The following PIK3C2G variants were observed in gnomAD, a reference collection of about 807,000 sequenced individuals.
The protein encoded by PIK3C2G is phosphatidylinositol-4-phosphate 3-kinase catalytic subunit type 2 gamma.
Under a neutral mutation model 181.1 loss-of-function variants are expected in PIK3C2G, and 168 were observed. The ratio of observed to expected loss-of-function variants is 0.93; its 90% confidence interval spans 0.82 to 1.05. The LOEUF (loss-of-function observed/expected upper bound fraction) is 1.05, where lower values mean the gene tolerates loss of function less well. PIK3C2G is among the 50% of genes least tolerant of loss of function. PIK3C2G has a pLI of 0.00. For missense variants in PIK3C2G, 1,869 were observed against 1,732.8 expected (o/e 1.08, Z -1.40); for synonymous variants, 573 against 592.2 (o/e 0.97, Z 0.47).
intron 31 of PIK3C2G, among the ~76,000 whole-genome samples, chr12:18,610,770 A>G (rs1210492232): frequency 2.0e-5 from 3 of 147,230 alleles, no homozygotes; most frequent in Non-Finnish European, 4.5e-5. Flanking sequence ...TTAAGCAACT[A>G]TATAAACATA....
downstream of PIK3C2G, among the ~76,000 whole-genome samples, chr12:18,650,664 A>ATGTGTG (rs1159499235): frequency 1.3e-3 from 47 of 35,600 alleles, no homozygotes; most frequent in South Asian, 1.7e-3. Flanking sequence ...TGGAATATAA[A>ATGTGTG]TGTGTGTGTG....
chr12:18,296,277 A>G (rs1949936984), intron 5 of PIK3C2G, among the ~76,000 whole-genome samples: 1 of 152,160 alleles, frequency 6.6e-6, no homozygotes, highest in Non-Finnish European at 1.5e-5. Context: ...TCTGATATTA[A>G]CACCGTGTTC....
intron 5 of PIK3C2G, among the ~76,000 whole-genome samples, chr12:18,298,938 T>A (rs1184182664): frequency 6.6e-6 from 1 of 151,986 alleles, no homozygotes; most frequent in Non-Finnish European, 1.5e-5. Context: ...ATCATTTTGC[T>A]TTGGTTACGA....
At chr12:18,303,100 C>CTCTTTTTCTT (rs1555153498) in intron 5 of PIK3C2G, among the ~76,000 whole-genome samples, 2 of 75,068 alleles carry the variant, frequency 2.7e-5, no homozygotes, top group African/African-American at 1.1e-4. Flanking sequence ...TCTTTTCTTT[C>CTCTTTTTCTT]TCTTTCTTTC....
At chr12:18,384,097 C>T (rs1943020145) in intron 14 of PIK3C2G, among the ~76,000 whole-genome samples, 1 of 151,484 alleles carries the variant, frequency 6.6e-6, no homozygotes, top group Non-Finnish European at 1.5e-5. Context: ...GCTGGGATTA[C>T]AGGCGTGAGC....
chr12:18,415,050 C>T (rs1243689106), intron 16 of PIK3C2G, among the ~76,000 whole-genome samples: 1 of 152,168 alleles, frequency 6.6e-6, no homozygotes, highest in Non-Finnish European at 1.5e-5. Context: ...TACAAATACA[C>T]AATTTTCCTT....
chr12:18,637,045 T>G (rs1427112914), intron 31 of PIK3C2G, among the ~76,000 whole-genome samples: 1 of 152,178 alleles, frequency 6.6e-6, no homozygotes, highest in South Asian at 2.1e-4. Context: ...TCAAATTCTA[T>G]TGATCACCTG....
chr12:18,422,789 C>A (rs1945563100), intron 17 of PIK3C2G, among the ~76,000 whole-genome samples: 1 of 152,068 alleles, frequency 6.6e-6, no homozygotes, highest in South Asian at 2.1e-4. Context: ...AAACATACCT[C>A]CTGCTCATAT....
At chr12:18,431,393 G>T (rs1946151300) in intron 18 of PIK3C2G, among the ~76,000 whole-genome samples, 1 of 152,200 alleles carries the variant, frequency 6.6e-6, no homozygotes, top group Admixed American at 6.5e-5. Context: ...CAGGGACAGA[G>T]TAGAGAGAGG....
chr12:18,515,355 C>A (rs370997200), intron 24 of PIK3C2G, among the ~76,000 whole-genome samples: 1 of 151,810 alleles, frequency 6.6e-6, no homozygotes, highest in African/African-American at 2.4e-5. Context: ...AGGCTCTGGG[C>A]TTTTCTTTGA....
chr12:18,633,414 T>C (rs1364456398), intron 31 of PIK3C2G, among the ~76,000 whole-genome samples: 1 of 152,212 alleles, frequency 6.6e-6, no homozygotes, highest in Non-Finnish European at 1.5e-5. Flanking sequence ...ATTGTCGTAG[T>C]TGGTATTTAT....
chr12:18,660,228 C>T, the PIK3C2G span, among the ~76,000 whole-genome samples: 15 of 152,232 alleles, frequency 9.9e-5, no homozygotes, highest in East Asian at 2.7e-3. Context: ...CATTCTCCTG[C>T]GTATTTCTGG....
intron 25 of PIK3C2G, among the ~76,000 whole-genome samples, chr12:18,544,947 C>G (rs1252163728): frequency 6.6e-6 from 1 of 151,832 alleles, no homozygotes; most frequent in Non-Finnish European, 1.5e-5. Flanking sequence ...CATTCCTAAC[C>G]AGTCTCCTAA....
chr12:18,609,236 A>G (rs115939071), intron 30 of PIK3C2G, among the ~76,000 whole-genome samples: 2,407 of 152,176 alleles, frequency 0.016, 67 homozygotes, highest in African/African-American at 0.055. Flanking sequence ...GTGAATGCTA[A>G]GGAGAAAATT....
rs755416032 is a variant in PIK3C2G at position 18,282,034 on chromosome 12, G to A, written c.-48G>A. 8.7e-6 allele frequency: 9 copies of A among 1,038,042 alleles called. No homozygotes were observed. In the South Asian group the frequency reaches 1.4e-4, roughly 17 times the overall value. 64.3% of individuals were successfully genotyped at this position (1,038,042 alleles called of 1,614,324 possible). ...TTTCTATCTTCTTTTGTATTATCAA[G>A]GAGATATTTGGAGCAGAGTCAACCC... On this transcript the variant is annotated 5_prime_UTR_variant, in exon 2 of 33. Coordinates refer to ENST00000538779, the MANE Select transcript of PIK3C2G (RefSeq NM_001288772.2).
At position 18,546,431 on chromosome 12, in the gene PIK3C2G, A is replaced by G. The variant is rs201671416; in HGVS notation, c.3589A>G (p.Lys1197Glu). The change falls in exon 26 of 33, where the codon AAG becomes GAG. Residue 1197 changes from lysine (K) to glutamate (E), a missense_variant and splice_region_variant. By Grantham distance (56) the Lys-to-Glu change is moderately conservative. Coordinates refer to ENST00000538779, the MANE Select transcript of PIK3C2G (RefSeq NM_001288772.2). Reference protein sequence around the residue: ...TDLEATSHFTKKIKESLECFP... With the variant: ...TDLEATSHFTEKIKESLECFP... Reference sequence around the variant, plus strand: ...CCTGGAAGCAACAAGTCATTTTACCAAGTAAGATCACCTATGAATGTGTGA... The same window carrying G: ...CCTGGAAGCAACAAGTCATTTTACCGAGTAAGATCACCTATGAATGTGTGA... 8.8e-5 allele frequency: 133 copies of G among 1,507,812 alleles called. No individual in the cohort carries two copies. Among genetic ancestry groups the G allele is most frequent in the Admixed American group, 4.1e-4 (23 of 56,692 alleles). The allele number at this position is 1,507,812 out of a possible 1,614,324, so 93.4% of individuals were successfully genotyped here.
intron 18 of PIK3C2G, among the ~76,000 whole-genome samples, chr12:18,462,160 G>T (rs921852745): frequency 6.6e-6 from 1 of 152,150 alleles, no homozygotes; most frequent in Non-Finnish European, 1.5e-5. Flanking sequence ...ATGAGTGGAG[G>T]AGTGGGCGCA....
intron 15 of PIK3C2G, among the ~76,000 whole-genome samples, chr12:18,391,746 T>C (rs1473721937): frequency 6.6e-6 from 1 of 152,086 alleles, no homozygotes; most frequent in Non-Finnish European, 1.5e-5. Flanking sequence ...GAAGAACTAG[T>C]AGGGAATTAG....
chr12:18,651,470 C>G (rs914143857), downstream of PIK3C2G, among the ~76,000 whole-genome samples: 1 of 152,238 alleles, frequency 6.6e-6, no homozygotes, highest in African/African-American at 2.4e-5. Flanking sequence ...CTTTGTCTCC[C>G]TTCACTAGGC....
Sources: allele counts gnomAD v4.1 joint callset (sites outside exome capture counted in the v4.1 genomes callset), GRCh38; gene constraint gnomAD v4.1.1; transcripts MANE v1.5; gene names NCBI Gene and HGNC (gene_info 2026-07-23, HGNC 2026-07-21).